The following ARMC2 variants were observed in gnomAD, a reference collection of about 807,000 sequenced individuals.
The protein encoded by ARMC2 is armadillo repeat-containing protein 2.
A neutral mutation model predicts 90.3 loss-of-function variants in ARMC2; 67 were observed. The ratio of observed to expected loss-of-function variants is 0.74; its 90% CI spans 0.61 to 0.91. The LOEUF (loss-of-function observed/expected upper bound fraction) is 0.91. Among genes scored for constraint, ARMC2 ranks in the 40% least tolerant of loss-of-function variants. The pLI is 0.00. For missense variants in ARMC2, 920 were observed against 1,030.9 expected (o/e 0.89, Z 1.47); for synonymous variants, 393 against 393.0 (o/e 1.00, Z 0.00).
intron 7 of ARMC2, among the ~76,000 whole-genome samples, chr6:108,901,257 G>T (rs1397676408): frequency 6.6e-6 from 1 of 150,912 alleles, no homozygotes. Flanking sequence ...GGGACTATAG[G>T]CACCCGCCAC....
chr6:109,001,423 C>T, the ARMC2 span: 2 of 1,613,734 alleles, frequency 1.2e-6, no homozygotes, highest in Non-Finnish European at 1.7e-6. Context: ...CCAAACGGCC[C>T]AAAGCAGCAA....
chr6:109,019,740 T>C, the ARMC2 span, among the ~76,000 whole-genome samples: 22 of 152,216 alleles, frequency 1.4e-4, no homozygotes, highest in Non-Finnish European at 2.8e-4. Flanking sequence ...AAGATATTAT[T>C]GATATCCAGA....
downstream of ARMC2, among the ~76,000 whole-genome samples, chr6:108,975,851 T>C (rs1015325842): frequency 7.2e-5 from 11 of 152,354 alleles, no homozygotes; most frequent in Middle Eastern, 0.01. Context: ...ATGGGGTTGT[T>C]TGTTTTTTCT....
chr6:109,047,038 A>G, the ARMC2 span, among the ~76,000 whole-genome samples: 1 of 4,958 alleles, frequency 2.0e-4, no homozygotes, highest in African/African-American at 9.0e-4. Context: ...TCCGGGAGGG[A>G]GGTGGGGGGT....
intron 10 of ARMC2, among the ~76,000 whole-genome samples, chr6:108,922,362 T>C (rs1460285068): frequency 6.6e-6 from 1 of 152,068 alleles, no homozygotes; most frequent in East Asian, 1.9e-4. Flanking sequence ...AGCCTCAGCC[T>C]CTGGGGTTCA....
the ARMC2 span, among the ~76,000 whole-genome samples, chr6:109,050,814 C>G: frequency 3.9e-5 from 6 of 152,226 alleles, no homozygotes; most frequent in African/African-American, 7.2e-5. Context: ...TCATCCACCA[C>G]TAGCATCCCT....
chr6:109,052,429 T>G, the ARMC2 span, among the ~76,000 whole-genome samples: 1 of 152,172 alleles, frequency 6.6e-6, no homozygotes, highest in Non-Finnish European at 1.5e-5. Context: ...AGAAAGCCAC[T>G]GCTATTATAA....
At chr6:108,879,182 A>T (rs1777237737) in intron 5 of ARMC2, among the ~76,000 whole-genome samples, 1 of 147,478 alleles carries the variant, frequency 6.8e-6, no homozygotes, top group South Asian at 2.2e-4. Flanking sequence ...CCATCCACCC[A>T]CCTATCCACC....
Position 108,893,787 on chromosome 6 carries a change from C to T in ARMC2, c.672-680C>T, listed in dbSNP as rs568869908. Among the ~76,000 whole-genome samples the T allele has an allele frequency of 1.3e-4, 20 of 152,290 alleles. No homozygotes were observed. In the South Asian group the frequency reaches 3.5e-3, roughly 27 times the overall value. On this transcript the variant is annotated intron_variant, in intron 5 of 17. Transcript: ENST00000392644. ...ATCCCAGCACTTTGGGAGGCTGAGG[C>T]GGGCAGATCGCCTGAGGTCAGGAGT...
At chr6:109,013,478 A>C in the ARMC2 span, among the ~76,000 whole-genome samples, 1 of 152,208 alleles carries the variant, frequency 6.6e-6, no homozygotes, top group African/African-American at 2.4e-5. Flanking sequence ...TGCTCTCCTG[A>C]CCAAGTGGCT....
intron 11 of ARMC2, among the ~76,000 whole-genome samples, chr6:108,935,631 C>T (rs946400599): frequency 1.1e-4 from 16 of 151,816 alleles, no homozygotes; most frequent in Non-Finnish European, 1.0e-4. Flanking sequence ...TTAGTAGAGA[C>T]GGGGTTTCGC....
At position 108,961,621 on chromosome 6, in the gene ARMC2, G is replaced by A. The variant is rs752268967; in HGVS notation, c.1965G>A (p.Ala655=). 1.2e-5 allele frequency: 19 copies of A among 1,612,186 alleles called. No homozygotes were observed. The highest frequency in any genetic ancestry group is 8.4e-5 in the Admixed American group (5 of 59,742). The change falls in exon 14 of 18, where the codon GCG becomes GCA. Residue 655 remains alanine, a synonymous_variant. Coordinates refer to ENST00000392644, the MANE Select transcript of ARMC2 (RefSeq NM_032131.6). The part of the protein sequence containing the change: ...DCEELVINAT[A]TINNLSYYQV... ...AGGAGCTGGTGATCAATGCTACAGCGACAATCAACAATTTATCTTACTACC... is the reference window on the plus strand; with the variant it reads ...AGGAGCTGGTGATCAATGCTACAGCAACAATCAACAATTTATCTTACTACC...
In ARMC2 at chr6:108,961,633, T is replaced by C. The variant is rs925928059; in HGVS notation, c.1977T>C (p.Asn659=). ...LVINATATIN[N]LSYYQVKNSI... ...TCAATGCTACAGCGACAATCAACAATTTATCTTACTACCAAGTGAAGAATT... is the reference window on the plus strand; with the variant it reads ...TCAATGCTACAGCGACAATCAACAACTTATCTTACTACCAAGTGAAGAATT... The change falls in exon 14 of 18, where the codon AAT becomes AAC. Residue 659 remains asparagine, a synonymous_variant. Transcript: ENST00000392644. 7 of 1,612,344 alleles carry C rather than the reference T, an allele frequency of 4.3e-6. No individual in the cohort carries two copies. The highest frequency in any genetic ancestry group is 1.7e-5 in the Admixed American group (1 of 59,808).
intron 8 of ARMC2, among the ~76,000 whole-genome samples, chr6:108,909,440 A>G (rs576578727): frequency 7.2e-5 from 11 of 151,870 alleles, no homozygotes; most frequent in Non-Finnish European, 1.6e-4. Flanking sequence ...CAGTAATCCT[A>G]TACTTTGCTT....
intron 5 of ARMC2, among the ~76,000 whole-genome samples, chr6:108,879,111 T>TCCA (rs1777225046): frequency 1.4e-5 from 2 of 147,976 alleles, no homozygotes; most frequent in African/African-American, 5.0e-5. Flanking sequence ...CACCCATCCA[T>TCCA]TCATCCATCC....
At chr6:108,989,013 CTAT>C in the ARMC2 span, among the ~76,000 whole-genome samples, 1 of 152,064 alleles carries the variant, frequency 6.6e-6, no homozygotes, top group African/African-American at 2.4e-5. Flanking sequence ...GAGGAACAAA[CTAT>C]TATTGAGACG....
intron 5 of ARMC2, chr6:108,880,102 A>G: frequency 5.4e-6 from 2 of 368,724 alleles, no homozygotes; most frequent in South Asian, 4.2e-5. Context: ...ACAGAGAAGT[A>G]AATTTCATCA....
intron 17 of ARMC2, among the ~76,000 whole-genome samples, chr6:108,972,570 G>A (rs375452924): frequency 1.3e-5 from 2 of 152,092 alleles, no homozygotes; most frequent in African/African-American, 2.4e-5. Flanking sequence ...ATATTAATAC[G>A]TTGTTTATTC....
chr6:109,013,665 A>C, the ARMC2 span, among the ~76,000 whole-genome samples: 1 of 152,246 alleles, frequency 6.6e-6, no homozygotes, highest in African/African-American at 2.4e-5. Flanking sequence ...ATTATACTTA[A>C]TGCAGTAATT....
Sources: allele counts gnomAD v4.1 joint callset (sites outside exome capture counted in the v4.1 genomes callset), GRCh38; gene constraint gnomAD v4.1.1; transcripts MANE v1.5; gene names NCBI Gene and HGNC (gene_info 2026-07-23, HGNC 2026-07-21).